The following CDH20 variants were observed in gnomAD, a reference collection of about 807,000 sequenced individuals.
CDH20 encodes the protein cadherin-20.
CDH20 carries 29 observed loss-of-function variants against 74.2 expected under a neutral mutation model. The observed-to-expected ratio is 0.39, with a 90% CI of 0.29 to 0.53. CDH20 has a LOEUF of 0.53. Ranked by LOEUF, CDH20 falls within the 20% of genes least tolerant of loss-of-function variation. The probability of loss-of-function intolerance (pLI) is 0.69; values close to 1 mark genes in which losing one functional copy is unlikely to be tolerated. For missense variants in CDH20, 988 were observed against 1,048.3 expected (o/e 0.94, Z 0.79); for synonymous variants, 469 against 405.4 (o/e 1.16, Z -1.88).
chr18:61,539,611 G>A (rs1006534723), intron 9 of CDH20, among the ~76,000 whole-genome samples: 1 of 152,172 alleles, frequency 6.6e-6, no homozygotes, highest in African/African-American at 2.4e-5. Context: ...GCCTGGAAGT[G>A]AGAGACCAGG....
At chr18:61,516,811 G>A (rs1338306849) in intron 6 of CDH20, among the ~76,000 whole-genome samples, 1 of 152,114 alleles carries the variant, frequency 6.6e-6, no homozygotes, top group African/African-American at 2.4e-5. Context: ...AAGCCTAGGA[G>A]TTTGAGACCA....
intron 1 of CDH20, chr18:61,391,738 C>T (rs1295354025): frequency 6.7e-6 from 1 of 150,056 alleles, no homozygotes; most frequent in East Asian, 1.9e-4. Flanking sequence ...TATCCTGGAA[C>T]TTAAAATGAA....
At chr18:61,431,305 G>A (rs779253355) in intron 1 of CDH20, among the ~76,000 whole-genome samples, 1 of 152,114 alleles carries the variant, frequency 6.6e-6, no homozygotes. Context: ...TCTGAGAAAC[G>A]AAAGAAATAT....
chr18:61,385,128 A>C (rs1004400655), intron 1 of CDH20, among the ~76,000 whole-genome samples: 3 of 152,166 alleles, frequency 2.0e-5, no homozygotes, highest in Non-Finnish European at 4.4e-5. Flanking sequence ...ATAATATACA[A>C]ATTTTATTTG....
At chr18:61,416,390 C>T (rs910044536) in intron 1 of CDH20, among the ~76,000 whole-genome samples, 1 of 152,118 alleles carries the variant, frequency 6.6e-6, no homozygotes, top group Non-Finnish European at 1.5e-5. Context: ...ATATACTCCA[C>T]CTAAAGTGAC....
intron 1 of CDH20, among the ~76,000 whole-genome samples, chr18:61,468,047 G>C (rs1910028340): frequency 2.0e-5 from 3 of 152,192 alleles, no homozygotes; most frequent in East Asian, 3.9e-4. Flanking sequence ...GTACACAGTG[G>C]AGCAGAGGTT....
chr18:61,465,798 C>T (rs1033967773), intron 1 of CDH20, among the ~76,000 whole-genome samples: 7 of 151,692 alleles, frequency 4.6e-5, no homozygotes, highest in African/African-American at 1.7e-4. Flanking sequence ...CTTAGTGACC[C>T]ACCAAGATAT....
intron 1 of CDH20, among the ~76,000 whole-genome samples, chr18:61,456,425 CT>C (rs1909572532): frequency 6.6e-6 from 1 of 152,054 alleles, no homozygotes; most frequent in South Asian, 2.1e-4. Context: ...CAGTTAAAAC[CT>C]ACAAACCAAA....
At chr18:61,454,517 A>T (rs1470057263) in intron 1 of CDH20, among the ~76,000 whole-genome samples, 2 of 152,232 alleles carry the variant, frequency 1.3e-5, no homozygotes, top group Non-Finnish European at 2.9e-5. Context: ...TGCACACTGA[A>T]ATAAGAAAGT....
chr18:61,452,183 C>A (rs1316685068), intron 1 of CDH20, among the ~76,000 whole-genome samples: 1 of 152,140 alleles, frequency 6.6e-6, no homozygotes, highest in African/African-American at 2.4e-5. Context: ...TTATCATTGT[C>A]TTCATCTATG....
At chr18:61,457,755 TAG>T (rs1053758461) in intron 1 of CDH20, among the ~76,000 whole-genome samples, 1 of 152,138 alleles carries the variant, frequency 6.6e-6, no homozygotes, top group African/African-American at 2.4e-5. Context: ...GGCAAGATCT[TAG>T]CTCTTTGGGA....
chr18:61,468,781 G>T (rs1272734027), intron 1 of CDH20, among the ~76,000 whole-genome samples: 5 of 152,194 alleles, frequency 3.3e-5, no homozygotes, highest in African/African-American at 7.2e-5. Flanking sequence ...TGGATTGTGG[G>T]TGATGCTAAT....
chr18:61,337,588 T>A (rs77621363), intron 1 of CDH20, among the ~76,000 whole-genome samples: 12 of 152,228 alleles, frequency 7.9e-5, no homozygotes, highest in Admixed American at 7.9e-4. Flanking sequence ...ATTTTCATAC[T>A]AATTTAGTGA....
chr18:61,421,144 C>T lies in CDH20; in HGVS notation c.-152-69258C>T, dbSNP rs899033113. Among the ~76,000 whole-genome samples, 18 of 152,126 alleles carry T rather than the reference C, an allele frequency of 1.2e-4. No homozygotes were observed. The South Asian group carries it at 2.7e-3, about 23-fold the overall frequency. ...GCTCTTTCCAAACTTAAATAGCTAA[C>T]GATTAAACTTGACATTATTTGATCA... On this transcript the variant is annotated intron_variant, in intron 1 of 11. Coordinates refer to ENST00000262717, the MANE Select transcript of CDH20 (RefSeq NM_031891.4).
chr18:61,423,857 AAATT>A (rs956435431), intron 1 of CDH20, among the ~76,000 whole-genome samples: 2 of 152,248 alleles, frequency 1.3e-5, no homozygotes, highest in Admixed American at 6.5e-5. Flanking sequence ...TAAAATACAA[AAATT>A]AATTAAAGAG....
chr18:61,373,174 GA>G lies in CDH20; in HGVS notation c.-153+39358del, dbSNP rs376979519. Among the ~76,000 whole-genome samples, 416 of 143,928 alleles carry G rather than the reference GA, an allele frequency of 2.9e-3. 2 individuals are homozygous for G. The highest frequency in any genetic ancestry group is 0.016 in the South Asian group (74 of 4,530). 94.4% of individuals were successfully genotyped at this position (143,928 alleles called of 152,430 possible). A position where few individuals can be genotyped will look rare whatever the true frequency, so the allele number is the denominator to read the frequency against. On this transcript the variant is annotated intron_variant, in intron 1 of 11. Coordinates refer to ENST00000262717, the MANE Select transcript of CDH20 (RefSeq NM_031891.4). The stretch of plus-strand genomic sequence containing the variant: ...GCATGATTTAGAATAAATGACAGAT[GA>G]AAAAAAAAAAGAATGTAATTCTAAG...
intron 1 of CDH20, among the ~76,000 whole-genome samples, chr18:61,444,000 C>T (rs1909116444): frequency 6.6e-6 from 1 of 152,132 alleles, no homozygotes; most frequent in Non-Finnish European, 1.5e-5. Flanking sequence ...AGTCAGTTGT[C>T]TGGACCCGTT....
intron 9 of CDH20, among the ~76,000 whole-genome samples, chr18:61,540,954 T>C (rs912075738): frequency 7.2e-5 from 11 of 152,248 alleles, no homozygotes; most frequent in African/African-American, 2.7e-4. Flanking sequence ...CAATGGTCTA[T>C]AGCCCTCCTA....
At chr18:61,495,615 C>T (rs1911109853) in intron 2 of CDH20, among the ~76,000 whole-genome samples, 1 of 152,130 alleles carries the variant, frequency 6.6e-6, no homozygotes, top group African/African-American at 2.4e-5. Flanking sequence ...CTCCTGCGGC[C>T]CCAGCCCAAG....
Sources: allele counts gnomAD v4.1 joint callset (sites outside exome capture counted in the v4.1 genomes callset), GRCh38; gene constraint gnomAD v4.1.1; transcripts MANE v1.5; gene names NCBI Gene and HGNC (gene_info 2026-07-23, HGNC 2026-07-21).